MRTFA: variants seen among roughly 807,000 people sequenced by gnomAD.
MRTFA encodes the protein myocardin-related transcription factor A.
In MRTFA, 20 loss-of-function variants were observed where a neutral mutation model predicts 83.5. The observed-to-expected ratio is 0.24, with a 90% CI of 0.17 to 0.35. The LOEUF (loss-of-function observed/expected upper bound fraction) is 0.35, where lower values mean the gene tolerates loss of function less well. MRTFA is among the 10% of genes least tolerant of loss of function. MRTFA has a pLI of 1.00. For synonymous variants in MRTFA, 659 were observed against 541.2 expected (o/e 1.22, Z -3.02); for missense variants, 1,200 against 1,224.7 (o/e 0.98, Z 0.30).
chr22:40,437,651 T>C (rs2147104556), intron 4 of MRTFA, among the ~76,000 whole-genome samples: 1 of 151,334 alleles, frequency 6.6e-6, no homozygotes, highest in East Asian at 1.9e-4. Context: ...TAATCCCAGC[T>C]ACTCAGGAGA....
chr22:40,417,494 C>T lies in MRTFA; in HGVS notation c.2365-1G>A. On this transcript the variant is annotated splice_acceptor_variant, in intron 12 of 14. Coordinates refer to ENST00000355630, the MANE Select transcript of MRTFA (RefSeq NM_020831.6). LOFTEE classifies it high-confidence loss of function. Reference sequence around the variant, plus strand: ...CTGGAGAGCCAGGCTGGGACGAGGGCTGGACAGGAGAGCAGGGAGAGGACC... The same window carrying T: ...CTGGAGAGCCAGGCTGGGACGAGGGTTGGACAGGAGAGCAGGGAGAGGACC... The T allele has an allele frequency of 1.3e-6, 2 of 1,566,214 alleles. No homozygotes were observed. Among genetic ancestry groups the T allele is most frequent in the Non-Finnish European group, 1.7e-6 (2 of 1,159,246 alleles).
chr22:40,456,860 A>G (rs1375382573), intron 4 of MRTFA, among the ~76,000 whole-genome samples: 2 of 152,278 alleles, frequency 1.3e-5, no homozygotes, highest in South Asian at 4.1e-4. Flanking sequence ...AAGGTCCTAG[A>G]TTCTGTCTAC....
intron 2 of MRTFA, chr22:40,586,918 G>T: frequency 2.3e-6 from 1 of 434,808 alleles, no homozygotes. Context: ...GCTGGTGCTG[G>T]TGCTGGTGCT....
rs780125079 is a variant in MRTFA at position 40,429,587 on chromosome 22, G to A, written c.601+19C>T. 2 of 1,614,110 alleles carry A rather than the reference G, an allele frequency of 1.2e-6. No homozygotes were observed. Among genetic ancestry groups the A allele is most frequent in the Non-Finnish European group, 1.7e-6 (2 of 1,180,008 alleles). On this transcript the variant is annotated intron_variant, in intron 7 of 14. Transcript: ENST00000355630. ...GCATCTCAGCTGCCTCTCACACAGGGTGGCTGGGTCCTCCTCACCAATGAT... is the reference window on the plus strand; with the variant it reads ...GCATCTCAGCTGCCTCTCACACAGGATGGCTGGGTCCTCCTCACCAATGAT...
At chr22:40,452,894 A>C (rs893492660) in intron 4 of MRTFA, among the ~76,000 whole-genome samples, 2 of 152,024 alleles carry the variant, frequency 1.3e-5, no homozygotes. Flanking sequence ...GGACCGAACC[A>C]TGAATACACT....
chr22:40,510,160 G>GT (rs1164881833), intron 3 of MRTFA, among the ~76,000 whole-genome samples: 1 of 152,262 alleles, frequency 6.6e-6, no homozygotes, highest in African/African-American at 2.4e-5. Context: ...CCAATACAGT[G>GT]TAAGGTCCCA....
At chr22:40,487,340 T>G (rs1308949629) in intron 3 of MRTFA, among the ~76,000 whole-genome samples, 1 of 152,192 alleles carries the variant, frequency 6.6e-6, no homozygotes, top group African/African-American at 2.4e-5. Flanking sequence ...ATATAATACT[T>G]TACAAAGCTA....
At chr22:40,519,792 A>C (rs192053966) in intron 3 of MRTFA, among the ~76,000 whole-genome samples, 5 of 152,340 alleles carry the variant, frequency 3.3e-5, no homozygotes, top group Non-Finnish European at 7.3e-5. Flanking sequence ...TTCACTTTGG[A>C]AACTGGATAG....
chr22:40,600,057 T>A (rs1339434614), intron 1 of MRTFA, among the ~76,000 whole-genome samples: 1 of 150,166 alleles, frequency 6.7e-6, no homozygotes, highest in African/African-American at 2.4e-5. Context: ...GTTAAAGGAA[T>A]AAACTGTGGG....
intron 3 of MRTFA, among the ~76,000 whole-genome samples, chr22:40,489,834 C>A (rs2054241506): frequency 6.6e-6 from 1 of 151,810 alleles, no homozygotes; most frequent in African/African-American, 2.4e-5. Context: ...CAAAAATTAG[C>A]CAGGTGTGGT....
At chr22:40,533,614 T>C (rs2055119433) in intron 3 of MRTFA, 2 of 1,230,606 alleles carry the variant, frequency 1.6e-6, no homozygotes, top group Admixed American at 8.4e-5. Context: ...ATCATTAACA[T>C]CTCAGGTTCC....
At chr22:40,470,257 A>G (rs1287867138) in intron 3 of MRTFA, among the ~76,000 whole-genome samples, 1 of 111,748 alleles carries the variant, frequency 8.9e-6, no homozygotes, top group African/African-American at 4.1e-5. Flanking sequence ...ATATATATAT[A>G]TATATATATA....
At chr22:40,447,509 G>A (rs923994931) in intron 4 of MRTFA, among the ~76,000 whole-genome samples, 1 of 152,134 alleles carries the variant, frequency 6.6e-6, no homozygotes, top group Non-Finnish European at 1.5e-5. Flanking sequence ...AAGGAGGCCA[G>A]GGTGGCAGAA....
chr22:40,495,534 G>A (rs138262846), intron 3 of MRTFA, among the ~76,000 whole-genome samples: 1 of 150,584 alleles, frequency 6.6e-6, no homozygotes, highest in Non-Finnish European at 1.5e-5. Context: ...CGAGGTGAAT[G>A]GAACACTTGA....
At position 40,420,967 on chromosome 22, in the gene MRTFA, G is replaced by C; in HGVS notation, c.1061C>G (p.Pro354Arg). 6.2e-7 allele frequency: 1 copy of C among 1,613,290 alleles called. No homozygotes were observed. Among genetic ancestry groups the C allele is most frequent in the Non-Finnish European group, 8.5e-7 (1 of 1,179,394 alleles). Residue 354 changes from proline to arginine, a missense_variant, in exon 10 of 15, where the codon CCC becomes CGC. Physicochemically the swap from Pro to Arg is moderately radical, Grantham distance 103 (BLOSUM62 -2). Transcript: ENST00000355630. ...GATCTTGGCGTAGGATGAGTCCATGGGGGGTGCCCCCCTGTCCTGCTTCTG... is the reference window on the plus strand; with the variant it reads ...GATCTTGGCGTAGGATGAGTCCATGCGGGGTGCCCCCCTGTCCTGCTTCTG...
intron 7 of MRTFA, 69 bp downstream of exon 7, chr22:40,429,537 T>C (rs2053024698): frequency 6.3e-7 from 1 of 1,587,860 alleles, no homozygotes; most frequent in Non-Finnish European, 8.6e-7. Flanking sequence ...CAATTCTGCT[T>C]CAGCCTGGCA....
chr22:40,618,458 G>A (rs1267907451), intron 1 of MRTFA, among the ~76,000 whole-genome samples: 2 of 151,944 alleles, frequency 1.3e-5, no homozygotes, highest in South Asian at 2.1e-4. Flanking sequence ...AAGTGAGGAA[G>A]TAAACCATGC....
rs7290690 is a variant in MRTFA, at chr22:40,413,285, C to T, written c.2579-1378G>A. 5.1e-3 allele frequency among the ~76,000 whole-genome samples: 779 copies of T among 151,726 alleles called. 8 individuals carry two copies. Among genetic ancestry groups the T allele is most frequent in the African/African-American group, 0.018 (753 of 41,364 alleles). The stretch of plus-strand genomic sequence containing the variant: ...CAGCCTGGGCAACAAGGCAAGACCC[C>T]ATCTTTATCAAAAAACAACAACAAA... On this transcript the variant is annotated intron_variant, in intron 14 of 14. Transcript: ENST00000355630.
At chr22:40,521,648 G>A (rs1457429333) in intron 3 of MRTFA, among the ~76,000 whole-genome samples, 1 of 151,864 alleles carries the variant, frequency 6.6e-6, no homozygotes. Context: ...ATGTGTGCCC[G>A]CTACCACGCC....
Sources: allele counts gnomAD v4.1 joint callset (sites outside exome capture counted in the v4.1 genomes callset), GRCh38; gene constraint gnomAD v4.1.1; transcripts MANE v1.5; gene names NCBI Gene and HGNC (gene_info 2026-07-23, HGNC 2026-07-21).